RAPGEF2: variants seen among roughly 807,000 people sequenced by gnomAD.
The protein encoded by RAPGEF2 is PDZ domain containing guanine nucleotide exchange factor (GEF) 1.
In RAPGEF2, 54 loss-of-function variants were observed where a neutral mutation model predicts 186.7. The observed-to-expected ratio is 0.29, with a 90% CI of 0.23 to 0.36. RAPGEF2 has a LOEUF of 0.36. Among genes scored for constraint, RAPGEF2 ranks in the 10% least tolerant of loss-of-function variants. The pLI is 1.00. For missense variants in RAPGEF2, 1,532 were observed against 2,045.0 expected, an observed-to-expected ratio of 0.75 and a Z score of 4.84; for synonymous variants, 712 against 705.9, an observed-to-expected ratio of 1.01 and a Z score of -0.14.
chr4:159,334,285 T>G (rs986248764), intron 17 of RAPGEF2, among the ~76,000 whole-genome samples: 3 of 152,222 alleles, frequency 2.0e-5, no homozygotes, highest in African/African-American at 7.2e-5. Context: ...AGGCTCGCTC[T>G]GTCAGCCAGG....
intron 1 of RAPGEF2, 59 bp downstream of exon 1, chr4:159,104,290 C>T (rs1737530735): frequency 1.3e-6 from 1 of 781,876 alleles, no homozygotes; most frequent in South Asian, 1.7e-5. Flanking sequence ...GCTGCGTCTT[C>T]CCCTGTCCCC....
At chr4:159,288,978 C>T (rs1172306184) in intron 7 of RAPGEF2, among the ~76,000 whole-genome samples, 2 of 152,292 alleles carry the variant, frequency 1.3e-5, no homozygotes, top group East Asian at 3.9e-4. Context: ...AGTATCCTCT[C>T]CATTCCCAGC....
intron 3 of RAPGEF2, among the ~76,000 whole-genome samples, chr4:159,203,467 A>G (rs1041561476): frequency 2.0e-5 from 3 of 152,142 alleles, no homozygotes; most frequent in Admixed American, 1.3e-4. Flanking sequence ...GCATGTACAC[A>G]GGGCACTGGG....
intron 7 of RAPGEF2, among the ~76,000 whole-genome samples, chr4:159,271,198 T>C (rs1197571745): frequency 1.3e-5 from 2 of 152,204 alleles, no homozygotes; most frequent in East Asian, 3.8e-4. Flanking sequence ...CCAGCTCAGA[T>C]GCCTTTGAAA....
At chr4:159,277,386 G>A (rs995860013) in intron 7 of RAPGEF2, among the ~76,000 whole-genome samples, 6 of 152,154 alleles carry the variant, frequency 3.9e-5, no homozygotes, top group South Asian at 2.1e-4. Context: ...ATTAACATAC[G>A]TGTGCATGTG....
At chr4:159,278,541 A>T (rs1202138789) in intron 7 of RAPGEF2, among the ~76,000 whole-genome samples, 2 of 152,216 alleles carry the variant, frequency 1.3e-5, no homozygotes, top group Non-Finnish European at 1.5e-5. Context: ...CTAGTAACCC[A>T]TCTATAAAAA....
Position 159,355,902 on chromosome 4 carries a change from C to T in RAPGEF2, c.4701C>T (p.Tyr1567=). The T allele has an allele frequency of 7.9e-7, 1 of 1,266,664 alleles. No homozygotes were observed. The highest frequency in any genetic ancestry group is 1.1e-6 in the Non-Finnish European group (1 of 937,418). 78.5% of individuals were successfully genotyped at this position (1,266,664 alleles called of 1,614,324 possible). The part of the protein sequence containing the change: ...YREPPPTPPG[Y]IGIPITDFPE... ...AGCCCCCGCCCACCCCTCCCGGCTA[C>T]ATTGGAATTCCCATTACTGACTTTC... Residue 1567 remains tyrosine (Y), a synonymous_variant, in exon 29 of 30, where the codon TAC becomes TAT. Coordinates refer to ENST00000691494, the MANE Select transcript of RAPGEF2 (RefSeq NM_001394067.2).
chr4:159,159,674 C>G (rs894426137), intron 1 of RAPGEF2, among the ~76,000 whole-genome samples: 1 of 152,146 alleles, frequency 6.6e-6, no homozygotes, highest in African/African-American at 2.4e-5. Context: ...CATATTACAG[C>G]AAATTAAATT....
At chr4:159,260,320 T>C (rs1756669026) in intron 7 of RAPGEF2, among the ~76,000 whole-genome samples, 1 of 151,850 alleles carries the variant, frequency 6.6e-6, no homozygotes, top group South Asian at 2.1e-4. Flanking sequence ...ATTTTAATAT[T>C]CTCCCTCGCA....
chr4:159,273,756 C>G lies in RAPGEF2; in HGVS notation c.543+29965C>G, dbSNP rs374462052. Among the ~76,000 whole-genome samples the G allele has an allele frequency of 2.7e-5, 4 of 148,780 alleles. No individual in the cohort carries two copies. The East Asian group carries it at 7.9e-4, about 29-fold the overall frequency. On this transcript the variant is annotated intron_variant, in intron 7 of 29. Transcript: ENST00000691494. ...AAAGTAAATGCTCTGTAAGTTTGGT[C>G]TCATAGGTATAAGTATTCCTTAAAC...
chr4:159,306,875 A>T (rs1763364757), intron 8 of RAPGEF2, among the ~76,000 whole-genome samples: 1 of 152,212 alleles, frequency 6.6e-6, no homozygotes, highest in African/African-American at 2.4e-5. Context: ...TATTAGATTT[A>T]GTATCTGCTT....
At chr4:159,120,071 G>C (rs1447777936) in intron 1 of RAPGEF2, among the ~76,000 whole-genome samples, 1 of 152,172 alleles carries the variant, frequency 6.6e-6, no homozygotes, top group Non-Finnish European at 1.5e-5. Flanking sequence ...CCAGACTGGA[G>C]TGCAGTGGTG....
At chr4:159,260,394 A>T (rs1174981798) in intron 7 of RAPGEF2, among the ~76,000 whole-genome samples, 2 of 152,082 alleles carry the variant, frequency 1.3e-5, no homozygotes, top group Admixed American at 6.6e-5. Context: ...TCTTATCCCC[A>T]AACAGTTTTG....
intron 7 of RAPGEF2, among the ~76,000 whole-genome samples, chr4:159,294,812 C>A (rs1761729994): frequency 6.6e-6 from 1 of 152,156 alleles, no homozygotes; most frequent in Non-Finnish European, 1.5e-5. Flanking sequence ...ATTCTCGTGC[C>A]TCAGCCTCCC....
chr4:159,350,473 A>G (rs1348422079), intron 26 of RAPGEF2, among the ~76,000 whole-genome samples, 184 bp downstream of exon 26: 1 of 152,130 alleles, frequency 6.6e-6, no homozygotes, highest in African/African-American at 2.4e-5. Context: ...GTTTTAAAAA[A>G]TGTTATACTT....
chr4:159,246,241 T>A (rs1224041199), intron 7 of RAPGEF2, among the ~76,000 whole-genome samples: 1 of 152,072 alleles, frequency 6.6e-6, no homozygotes, highest in Non-Finnish European at 1.5e-5. Flanking sequence ...AGAGATAACA[T>A]GCAAAAGTAA....
intron 1 of RAPGEF2, among the ~76,000 whole-genome samples, chr4:159,172,782 T>C (rs1746048926): frequency 6.6e-6 from 1 of 152,200 alleles, no homozygotes; most frequent in Non-Finnish European, 1.5e-5. Flanking sequence ...TAACTTGCTG[T>C]CCCTTCTAGT....
chr4:159,174,289 C>G (rs554344882), intron 1 of RAPGEF2, among the ~76,000 whole-genome samples: 24 of 152,294 alleles, frequency 1.6e-4, no homozygotes, highest in African/African-American at 5.5e-4. Context: ...TCTGTTGTGA[C>G]TATATCATTT....
rs749812613 is a variant in RAPGEF2, at chr4:159,341,817, T to G, written c.2788T>G (p.Phe930Val). The change falls in exon 20 of 30, where the codon TTT becomes GTT. Residue 930 changes from phenylalanine (F) to valine (V), a missense_variant. Phe to Val is a conservative substitution (Grantham distance 50). Around this residue, in one of 4 missense-constraint regions of RAPGEF2, gnomAD observed 810 missense variants for 1,210.5 expected, o/e 0.67. Coordinates refer to ENST00000691494, the MANE Select transcript of RAPGEF2 (RefSeq NM_001394067.2). ...TGAAGAAGTCATTAACCAGGAAACA[T>G]TTTGGGTAGCATCTGAAATTCTCAG... The part of the protein sequence containing the change: ...RFEEVINQET[F>V]WVASEILRET... 1 of 1,613,562 alleles carries G rather than the reference T, an allele frequency of 6.2e-7. No homozygotes were observed.
Sources: gnomAD v4.1 joint callset for allele counts (sites outside exome capture counted in the v4.1 genomes callset) on GRCh38, gnomAD v4.1.1 for gene constraint, gnomAD v4.1.1 regional missense constraint, MANE v1.5 for transcripts, NCBI Gene and HGNC (gene_info 2026-07-23, HGNC 2026-07-21) for gene names.